BMAL2: variants seen among roughly 807,000 people sequenced by gnomAD.
BMAL2 encodes basic helix-loop-helix ARNT-like protein 2.
chr12:27,420,487 C>T, the BMAL2 span: 2 of 1,612,734 alleles, frequency 1.2e-6, no homozygotes, highest in East Asian at 2.2e-5. Context: ...CAGAGGGGGG[C>T]CTGGGAGACC....
the BMAL2 span, among the ~76,000 whole-genome samples, chr12:27,362,838 G>A: frequency 4.5e-4 from 69 of 152,156 alleles, no homozygotes; most frequent in African/African-American, 1.6e-3. Context: ...TTAGAAGACA[G>A]GGTCTCACTC....
the BMAL2 span, among the ~76,000 whole-genome samples, chr12:27,341,335 A>G: frequency 6.6e-6 from 1 of 152,166 alleles, no homozygotes; most frequent in Non-Finnish European, 1.5e-5. Context: ...AAGGTGTTGA[A>G]TTTTATCAAA....
the BMAL2 span, chr12:27,333,041 G>C: frequency 0.15 from 178,949 of 1,195,032 alleles, 14,034 homozygotes; most frequent in Non-Finnish European, 0.16. Flanking sequence ...TGCCAGCCGC[G>C]GGGCTGCGGA....
chr12:27,357,738 G>A, the BMAL2 span, among the ~76,000 whole-genome samples: 3 of 151,954 alleles, frequency 2.0e-5, no homozygotes, highest in African/African-American at 7.2e-5. Context: ...ACTGATCTTC[G>A]ATAAACAAAA....
At chr12:27,385,474 T>C in the BMAL2 span, 6 of 1,593,798 alleles carry the variant, frequency 3.8e-6, no homozygotes, top group Non-Finnish European at 5.2e-6. Flanking sequence ...GATGCCTTTC[T>C]TTTTAGGCTT....
chr12:27,370,167 C>T, the BMAL2 span: 2,463 of 1,614,090 alleles, frequency 1.5e-3, 15 homozygotes, highest in South Asian at 9.6e-3. Flanking sequence ...GAAAAGCTTT[C>T]TCAGAATCCC....
chr12:27,340,741 G>T, the BMAL2 span, among the ~76,000 whole-genome samples: 1 of 152,162 alleles, frequency 6.6e-6, no homozygotes, highest in Non-Finnish European at 1.5e-5. Context: ...CTATCCATGA[G>T]CATGGAATGT....
At chr12:27,353,950 C>T in the BMAL2 span, among the ~76,000 whole-genome samples, 3 of 152,056 alleles carry the variant, frequency 2.0e-5, no homozygotes, top group African/African-American at 7.2e-5. Context: ...GAAAAGGGAA[C>T]ACTGACACAC....
At chr12:27,400,729 T>C in the BMAL2 span, 1,883 of 1,613,108 alleles carry the variant, frequency 1.2e-3, 1 homozygote, top group Admixed American at 1.5e-3. Context: ...ACTGAATTTA[T>C]AACCCGGTTT....
At chr12:27,353,109 A>T in the BMAL2 span, among the ~76,000 whole-genome samples, 1 of 152,154 alleles carries the variant, frequency 6.6e-6, no homozygotes, top group African/African-American at 2.4e-5. Context: ...CAAAAAAAGA[A>T]CCCGAATAGC....
chr12:27,333,229 G>C, the BMAL2 span: 4 of 899,166 alleles, frequency 4.4e-6, no homozygotes, highest in Non-Finnish European at 5.2e-6. Flanking sequence ...CTGTCCTCTC[G>C]GGCCGGAGCA....
At chr12:27,416,600 CA>C in the BMAL2 span, among the ~76,000 whole-genome samples, 1 of 152,094 alleles carries the variant, frequency 6.6e-6, no homozygotes, top group Admixed American at 6.5e-5. Flanking sequence ...GTAAATCAAG[CA>C]GTATAAGACT....
the BMAL2 span, among the ~76,000 whole-genome samples, chr12:27,335,608 A>G: frequency 6.6e-6 from 1 of 152,240 alleles, no homozygotes; most frequent in South Asian, 2.1e-4. Context: ...TGTTACTGGC[A>G]TGGATCCTTG....
chr12:27,397,759 C>T, the BMAL2 span, among the ~76,000 whole-genome samples: 1 of 152,184 alleles, frequency 6.6e-6, no homozygotes, highest in Non-Finnish European at 1.5e-5. Flanking sequence ...TGTGAAATCG[C>T]AGGCTGATGA....
At chr12:27,360,767 T>C in the BMAL2 span, among the ~76,000 whole-genome samples, 1 of 107,370 alleles carries the variant, frequency 9.3e-6, no homozygotes, top group African/African-American at 3.8e-5. Context: ...TCTTCCATCT[T>C]AAAGAAATAG....
the BMAL2 span, among the ~76,000 whole-genome samples, chr12:27,400,296 G>A: frequency 2.2e-3 from 334 of 152,098 alleles, no homozygotes; most frequent in Non-Finnish European, 3.0e-3. Flanking sequence ...CAACCTGTTC[G>A]TTTTTTCATG....
chr12:27,395,501 A>C, the BMAL2 span, among the ~76,000 whole-genome samples: 5 of 152,086 alleles, frequency 3.3e-5, no homozygotes, highest in African/African-American at 1.2e-4. Flanking sequence ...GGTATTTTGA[A>C]GTGGTCTTTT....
the BMAL2 span, among the ~76,000 whole-genome samples, chr12:27,382,370 G>C: frequency 6.6e-6 from 1 of 152,180 alleles, no homozygotes; most frequent in Admixed American, 6.5e-5. Flanking sequence ...AATGAGGCAA[G>C]ATCTCTGCCC....
chr12:27,416,008 G>A, the BMAL2 span: 1 of 1,174,756 alleles, frequency 8.5e-7, no homozygotes, highest in Non-Finnish European at 1.2e-6. Flanking sequence ...TTTGCCCCTT[G>A]TTGATTATTT....
Sources: gnomAD v4.1 joint callset for allele counts (sites outside exome capture counted in the v4.1 genomes callset) on GRCh38, gnomAD v4.1.1 for gene constraint, MANE v1.5 for transcripts, NCBI Gene and HGNC (gene_info 2026-07-23, HGNC 2026-07-21) for gene names.